The following CSMD1 variants were observed in gnomAD, a reference collection of about 807,000 sequenced individuals.
CSMD1 encodes CUB and Sushi multiple domains 1.
CSMD1 carries 213 observed loss-of-function variants against 417.5 expected under a neutral mutation model. That is an observed-to-expected ratio of 0.51 (90% CI 0.46 to 0.57). The LOEUF is 0.57. CSMD1 is among the 20% of genes least tolerant of loss of function. The pLI, the probability that CSMD1 is intolerant of heterozygous loss-of-function variation, is 0.00. For synonymous variants in CSMD1, 2,862 were observed against 1,736.8 expected (o/e 1.65, Z -16.11); for missense variants, 6,923 against 4,529.7 (o/e 1.53, Z -15.17).
intron 5 of CSMD1, among the ~76,000 whole-genome samples, chr8:3,995,913 G>C (rs1815177762): frequency 1.3e-5 from 2 of 152,124 alleles, no homozygotes; most frequent in Non-Finnish European, 2.9e-5. Context: ...AGCAAATACA[G>C]AGAGAGATTC....
Position 3,297,281 on chromosome 8 carries a change from A to C in CSMD1, c.3950+10414T>G, listed in dbSNP as rs548493483. Among the ~76,000 whole-genome samples, 36 of 152,350 alleles carry C rather than the reference A, an allele frequency of 2.4e-4. No individual in the cohort carries two copies. In the South Asian group the frequency reaches 7.2e-3, roughly 31 times the overall value. On this transcript the variant is annotated intron_variant, in intron 25 of 69. Coordinates refer to ENST00000635120, the MANE Select transcript of CSMD1 (RefSeq NM_033225.6). ...TGATCTATTGATGTCATGGGATATC[A>C]ATAAAAATCCAGGCAATTTCTTTTG...
chr8:3,746,122 T>C (rs1382190389), intron 6 of CSMD1, among the ~76,000 whole-genome samples: 1 of 152,220 alleles, frequency 6.6e-6, no homozygotes, highest in Non-Finnish European at 1.5e-5. Context: ...GCCAACGATA[T>C]TGCCTGCATG....
rs73171202 is a variant in CSMD1 at position 3,345,478 on chromosome 8, C to T, written c.3475-2028G>A. Among the ~76,000 whole-genome samples the T allele has an allele frequency of 2.0e-4, 31 of 152,128 alleles. No individual in the cohort carries two copies. In the East Asian group the frequency reaches 2.1e-3, roughly 10 times the overall value. ...AAAGTTAAAATCTGGGTTCAGGTTTCGCACTGATCACAAATAAAAACCCAG... is the reference window on the plus strand; with the variant it reads ...AAAGTTAAAATCTGGGTTCAGGTTTTGCACTGATCACAAATAAAAACCCAG... On this transcript the variant is annotated intron_variant, in intron 22 of 69. Transcript: ENST00000635120.
intron 3 of CSMD1, among the ~76,000 whole-genome samples, chr8:4,218,801 G>A (rs551718898): frequency 1.0e-3 from 156 of 152,204 alleles, no homozygotes; most frequent in African/African-American, 3.5e-3. Context: ...CTTAACTTCT[G>A]TTTTCTCAGT....
chr8:3,587,909 A>G (rs1233667644), intron 8 of CSMD1, among the ~76,000 whole-genome samples: 3 of 152,180 alleles, frequency 2.0e-5, no homozygotes, highest in East Asian at 3.9e-4. Flanking sequence ...TCATAAGAAC[A>G]TAATATGTAC....
At chr8:4,214,457 T>G (rs1259490335) in intron 3 of CSMD1, among the ~76,000 whole-genome samples, 1 of 152,070 alleles carries the variant, frequency 6.6e-6, no homozygotes, top group Non-Finnish European at 1.5e-5. Flanking sequence ...ACCACCACAC[T>G]TGGCTAATGT....
At chr8:3,693,473 T>C (rs1336609637) in intron 7 of CSMD1, among the ~76,000 whole-genome samples, 1 of 152,100 alleles carries the variant, frequency 6.6e-6, no homozygotes, top group Non-Finnish European at 1.5e-5. Context: ...GATACTGAAA[T>C]TGCTGGTCAA....
intron 12 of CSMD1, among the ~76,000 whole-genome samples, chr8:3,445,524 T>C (rs1411957849): frequency 1.3e-5 from 2 of 152,130 alleles, no homozygotes; most frequent in Non-Finnish European, 2.9e-5. Context: ...CACAACTCTT[T>C]TCATTACACA....
Position 3,387,526 on chromosome 8 carries a change from T to C in CSMD1, c.2750A>G (p.His917Arg), listed in dbSNP as rs1459865795. The C allele has an allele frequency of 6.9e-6, 11 of 1,602,222 alleles. No individual in the cohort carries two copies. The highest frequency in any genetic ancestry group is 2.3e-5 in the South Asian group (2 of 88,542). Residue 917 changes from histidine (H) to arginine (R), a missense_variant, in exon 18 of 70, where the codon CAC (histidine) becomes CGC (arginine). Coordinates refer to ENST00000635120, the MANE Select transcript of CSMD1 (RefSeq NM_033225.6). The part of the protein sequence containing the change: ...DDEPLVCERN[H>R]QWNHALPSCD... ...GCTGGGCAAGGCGTGGTTCCACTGGTGGTTCCTCTCACAGACGAGGGGCTC... is the reference window on the plus strand; with the variant it reads ...GCTGGGCAAGGCGTGGTTCCACTGGCGGTTCCTCTCACAGACGAGGGGCTC...
intron 4 of CSMD1, among the ~76,000 whole-genome samples, chr8:4,020,768 T>G (rs750945136): frequency 2.0e-5 from 3 of 152,260 alleles, no homozygotes; most frequent in Non-Finnish European, 4.4e-5. Context: ...ACTTCCAACC[T>G]TGAGATAAGG....
At chr8:4,767,184 C>T (rs1462592026) in intron 1 of CSMD1, among the ~76,000 whole-genome samples, 4 of 152,086 alleles carry the variant, frequency 2.6e-5, no homozygotes, top group Non-Finnish European at 4.4e-5. Context: ...CACTGAAAAG[C>T]CCTTAGCTTA....
intron 1 of CSMD1, among the ~76,000 whole-genome samples, chr8:4,854,765 A>G (rs1340712806): frequency 1.3e-5 from 2 of 152,072 alleles, no homozygotes; most frequent in East Asian, 1.9e-4. Context: ...AGGGTCCTAC[A>G]CCCACAGAGT....
Position 4,841,073 on chromosome 8 carries a change from G to A in CSMD1, c.85+153259C>T, listed in dbSNP as rs1307272621. Among the ~76,000 whole-genome samples the A allele has an allele frequency of 2.0e-5, 3 of 152,226 alleles. No individual in the cohort carries two copies. The East Asian group carries it at 5.8e-4, about 29-fold the overall frequency. ...CTTCCTGTATTCTTTCCTGCCTTGAGAAGAGCACCTGCTCTAAAGGATCTT... is the reference window on the plus strand; with the variant it reads ...CTTCCTGTATTCTTTCCTGCCTTGAAAAGAGCACCTGCTCTAAAGGATCTT... On this transcript the variant is annotated intron_variant, in intron 1 of 69. Coordinates refer to ENST00000635120, the MANE Select transcript of CSMD1 (RefSeq NM_033225.6).
intron 3 of CSMD1, among the ~76,000 whole-genome samples, chr8:4,083,334 G>A (rs1353367770): frequency 1.3e-5 from 2 of 152,030 alleles, no homozygotes; most frequent in Non-Finnish European, 2.9e-5. Flanking sequence ...GTATCTCATT[G>A]AGGTTTTGAT....
At chr8:3,797,827 G>A (rs1563091201) in intron 5 of CSMD1, among the ~76,000 whole-genome samples, 1 of 151,892 alleles carries the variant, frequency 6.6e-6, no homozygotes, top group Non-Finnish European at 1.5e-5. Context: ...TCATATAAAA[G>A]CACTAACGAT....
At position 2,935,809 on chromosome 8, in the gene CSMD1, T is replaced by C. The variant is rs1194082553; in HGVS notation, c.*2776A>G. 6.6e-6 allele frequency: 1 copy of C among 152,210 alleles called. No homozygotes were observed. The highest frequency in any genetic ancestry group is 1.5e-5 in the Non-Finnish European group (1 of 68,038). 9.4% of individuals were successfully genotyped at this position (152,210 alleles called of 1,614,324 possible). A position where few individuals can be genotyped will look rare whatever the true frequency, so the allele number is the denominator to read the frequency against. On this transcript the variant is annotated 3_prime_UTR_variant, in exon 70 of 70. Coordinates refer to ENST00000635120, the MANE Select transcript of CSMD1 (RefSeq NM_033225.6). ...TTTACCCCCTTTTTATAATAGCTTTTTGTTGTTGTTTACAAAATATTTTAC... is the reference window on the plus strand; with the variant it reads ...TTTACCCCCTTTTTATAATAGCTTTCTGTTGTTGTTTACAAAATATTTTAC...
At chr8:4,627,698 G>C (rs986034019) in intron 2 of CSMD1, among the ~76,000 whole-genome samples, 1 of 152,048 alleles carries the variant, frequency 6.6e-6, no homozygotes, top group Non-Finnish European at 1.5e-5. Flanking sequence ...TCTGCTGGCT[G>C]CCTCTGCCCC....
chr8:4,270,904 G>A (rs576726307), intron 3 of CSMD1, among the ~76,000 whole-genome samples: 4 of 152,234 alleles, frequency 2.6e-5, no homozygotes, highest in Admixed American at 6.5e-5. Flanking sequence ...AACAACTCAA[G>A]GTGCTGATCG....
chr8:3,357,951 A>T (rs1016507196), intron 21 of CSMD1, among the ~76,000 whole-genome samples: 12 of 152,214 alleles, frequency 7.9e-5, no homozygotes, highest in Non-Finnish European at 1.8e-4. Context: ...TAATAACGAA[A>T]TTCTGACTGT....
Sources: gnomAD v4.1 joint callset for allele counts (sites outside exome capture counted in the v4.1 genomes callset) on GRCh38, gnomAD v4.1.1 for gene constraint, MANE v1.5 for transcripts, NCBI Gene and HGNC (gene_info 2026-07-23, HGNC 2026-07-21) for gene names.